The following KIF24 variants were observed in gnomAD, a reference collection of about 807,000 sequenced individuals.
KIF24 encodes kinesin family member 24.
KIF24 carries 81 observed loss-of-function variants against 118.9 expected under a neutral mutation model. That is an observed-to-expected ratio of 0.68 (90% CI 0.57 to 0.82). KIF24 has a LOEUF of 0.82. Ranked by LOEUF, KIF24 falls within the 40% of genes least tolerant of loss-of-function variation. The pLI is 0.00. For missense variants in KIF24, 1,560 were observed against 1,661.6 expected (o/e 0.94, Z 1.06); for synonymous variants, 599 against 610.0 (o/e 0.98, Z 0.27).
intron 7 of KIF24, among the ~76,000 whole-genome samples, chr9:34,270,772 C>CTT (rs909845624): frequency 3.5e-5 from 5 of 141,900 alleles, no homozygotes; most frequent in Admixed American, 1.4e-4. Flanking sequence ...TAATTTTTAC[C>CTT]TTTTTTTTTT....
chr9:34,257,610 G>A lies in KIF24; in HGVS notation c.1997C>T (p.Ala666Val). 3 of 1,614,070 alleles carry A rather than the reference G, an allele frequency of 1.9e-6. No homozygotes were observed. The highest frequency in any genetic ancestry group is 2.5e-6 in the Non-Finnish European group (3 of 1,179,904). Residue 666 changes from alanine to valine, a missense_variant, in exon 11 of 13, where the codon GCA becomes GTA. Ala to Val is a moderately conservative substitution (Grantham distance 64, BLOSUM62 0). This residue lies in a region of KIF24 where 964 missense variants were observed against 988.0 expected (regional missense o/e 0.98). Coordinates refer to ENST00000402558, the MANE Select transcript of KIF24 (RefSeq NM_194313.4). The part of the protein sequence containing the change: ...HVAKKKPEES[A>V]PLCSEKNRMG... ...TCGATTTTTCTCAGAGCACAATGGT[G>A]CTGACTCTTCTGGCTTTTTTTTGGC...
chr9:34,295,683 TATAAA>T (rs1007557025), intron 4 of KIF24, among the ~76,000 whole-genome samples: 2 of 151,414 alleles, frequency 1.3e-5, no homozygotes, highest in African/African-American at 4.8e-5. Flanking sequence ...GTCTCAAAAA[TATAAA>T]ATAAAATAAA....
At chr9:34,287,933 G>T (rs980809837) in intron 5 of KIF24, among the ~76,000 whole-genome samples, 9 of 146,762 alleles carry the variant, frequency 6.1e-5, no homozygotes, top group African/African-American at 2.2e-4. Flanking sequence ...AAAAAAGGAA[G>T]ATCTAACTTT....
chr9:34,252,470 T>C lies in KIF24; in HGVS notation c.*1910A>G, dbSNP rs985043580. On this transcript the variant is annotated 3_prime_UTR_variant, in exon 13 of 13. Transcript: ENST00000402558. ...CAGTCTTGAATCTAAAATAATTTGC[T>C]AACTAACTATTTTGATTCTTCAGAG... 1 of 14,648 alleles carries C rather than the reference T, an allele frequency of 6.8e-5. No homozygotes were observed. The highest frequency in any genetic ancestry group is 1.5e-4 in the African/African-American group (1 of 6,754). 0.9% of individuals were successfully genotyped at this position (14,648 alleles called of 1,614,324 possible). A position where few individuals can be genotyped will look rare whatever the true frequency, so the allele number is the denominator to read the frequency against.
intron 6 of KIF24, among the ~76,000 whole-genome samples, chr9:34,278,224 C>G (rs964152565): frequency 6.6e-6 from 1 of 152,078 alleles, no homozygotes; most frequent in African/African-American, 2.4e-5. Context: ...GCCTGGCCAA[C>G]CTGGTGAAAC....
In KIF24 at chr9:34,253,925, C is replaced by G. The variant is rs1834711096; in HGVS notation, c.*455G>C. Reference sequence around the variant, plus strand: ...GGTTAAGTTTGGGCCAGTGTTTAGTCTTCTAAGTTAGGCACAGAATTCAGC... The same window carrying G: ...GGTTAAGTTTGGGCCAGTGTTTAGTGTTCTAAGTTAGGCACAGAATTCAGC... On this transcript the variant is annotated 3_prime_UTR_variant, in exon 13 of 13. Coordinates refer to ENST00000402558, the MANE Select transcript of KIF24 (RefSeq NM_194313.4). 6.5e-6 allele frequency: 1 copy of G among 154,254 alleles called. No homozygotes were observed. The highest frequency in any genetic ancestry group is 1.4e-5 in the Non-Finnish European group (1 of 69,474). 9.6% of individuals were successfully genotyped at this position (154,254 alleles called of 1,614,324 possible). A position where few individuals can be genotyped will look rare whatever the true frequency, so the allele number is the denominator to read the frequency against.
intron 1 of KIF24, among the ~76,000 whole-genome samples, chr9:34,325,752 T>C (rs1837653090): frequency 6.6e-6 from 1 of 152,210 alleles, no homozygotes; most frequent in Non-Finnish European, 1.5e-5. Flanking sequence ...AATTGTTTAA[T>C]GAATAAATAT....
chr9:34,277,366 T>C (rs913226502), intron 6 of KIF24, among the ~76,000 whole-genome samples: 4 of 152,172 alleles, frequency 2.6e-5, no homozygotes, highest in African/African-American at 9.6e-5. Context: ...AGGCCAGGAA[T>C]AGAAGCCAGA....
intron 3 of KIF24, among the ~76,000 whole-genome samples, chr9:34,302,526 C>T (rs920924488): frequency 2.7e-5 from 4 of 150,538 alleles, no homozygotes; most frequent in East Asian, 4.0e-4. Flanking sequence ...AGTGCAGTGG[C>T]GCAATCTCAG....
chr9:34,269,242 T>A lies in KIF24; in HGVS notation c.1443+15A>T, dbSNP rs368898903. On this transcript the variant is annotated intron_variant, in intron 8 of 12. Coordinates refer to ENST00000402558, the MANE Select transcript of KIF24 (RefSeq NM_194313.4). ...TCAAGAAGGATTTTTAGATTAAAGA[T>A]TTTGAACAACTTACAGCCAGTAGAC... 8.3e-4 allele frequency: 1,234 copies of A among 1,493,308 alleles called. No homozygotes were observed. The highest frequency in any genetic ancestry group is 1.1e-3 in the Non-Finnish European group (1,177 of 1,076,552). 92.5% of individuals were successfully genotyped at this position (1,493,308 alleles called of 1,614,324 possible).
chr9:34,301,943 ATGTATTTCAGATT>A (rs1836723595), intron 3 of KIF24, among the ~76,000 whole-genome samples: 1 of 151,286 alleles, frequency 6.6e-6, no homozygotes, highest in African/African-American at 2.4e-5. Context: ...TAACTTTTTG[ATGTATTTCAGATT>A]TCAGTGTCAT....
chr9:34,259,487 G>A (rs1834974591), intron 10 of KIF24, 109 bp downstream of exon 10: 2 of 776,304 alleles, frequency 2.6e-6, no homozygotes, highest in Admixed American at 1.9e-5. Context: ...GGAGAGACAT[G>A]TGCATGCACT....
At chr9:34,310,210 C>T (rs1177790654) in intron 2 of KIF24, among the ~76,000 whole-genome samples, 1 of 152,096 alleles carries the variant, frequency 6.6e-6, no homozygotes, top group Non-Finnish European at 1.5e-5. Flanking sequence ...AGAAAGCACT[C>T]AAAATTAGGA....
At chr9:34,280,288 A>C (rs1835805888) in intron 6 of KIF24, among the ~76,000 whole-genome samples, 2 of 21,204 alleles carry the variant, frequency 9.4e-5, no homozygotes, top group Non-Finnish European at 2.2e-4. Context: ...CGTCTCAAAA[A>C]AAAAAAAAAA....
Position 34,255,101 on chromosome 9 carries a change from C to T in KIF24, c.3937G>A (p.Glu1313Lys). ...DEMAELGFKE[E>K]TLMSQLASND... is the part of the protein sequence containing the mutation. ...GAAGCCAGCTGGCTCATCAGCGTCT[C>T]CTCCTTGAAGCCGAGCTCAGCCATT... is the stretch of plus-strand genomic sequence containing the variant. Residue 1313 changes from glutamate (E) to lysine (K), a missense_variant, in exon 12 of 13, where the codon GAG becomes AAG. Coordinates refer to ENST00000402558, the MANE Select transcript of KIF24 (RefSeq NM_194313.4). The T allele has an allele frequency of 1.3e-6, 2 of 1,595,712 alleles. No homozygotes were observed. Among genetic ancestry groups the T allele is most frequent in the Non-Finnish European group, 1.7e-6 (2 of 1,170,952 alleles).
In KIF24 at chr9:34,295,187, G is replaced by A. The variant is rs559156945; in HGVS notation, c.911+1830C>T. On this transcript the variant is annotated intron_variant, in intron 4 of 12. Transcript: ENST00000402558. ...AGATAGCTAGGTAGGTGGATTGGAT[G>A]GATGGATAGACAGACAGACAGACAG... 9.8e-4 allele frequency among the ~76,000 whole-genome samples: 118 copies of A among 120,098 alleles called. 3 individuals are homozygous for A. The South Asian group carries it at 0.032, about 33-fold the overall frequency. The allele number at this position is 120,098 out of a possible 152,430, so 78.8% of individuals were successfully genotyped here. A position where few individuals can be genotyped will look rare whatever the true frequency, so the allele number is the denominator to read the frequency against.
At chr9:34,279,791 T>G (rs975551103) in intron 6 of KIF24, among the ~76,000 whole-genome samples, 1 of 152,250 alleles carries the variant, frequency 6.6e-6, no homozygotes, top group Non-Finnish European at 1.5e-5. Context: ...CAAGTGCTGT[T>G]GTTTCAAGTC....
chr9:34,311,787 T>TAC (rs763494172), intron 1 of KIF24, among the ~76,000 whole-genome samples: 11 of 145,334 alleles, frequency 7.6e-5, no homozygotes, highest in East Asian at 2.1e-4. Context: ...CACATATATA[T>TAC]ACACACACAT....
At position 34,256,182 on chromosome 9, in the gene KIF24, T is replaced by G. The variant is rs1047046357; in HGVS notation, c.3425A>C (p.Lys1142Thr). 1.2e-6 allele frequency: 2 copies of G among 1,602,888 alleles called. No individual in the cohort carries two copies. Among genetic ancestry groups the G allele is most frequent in the African/African-American group, 2.7e-5 (2 of 74,710 alleles). ...TAGGTCTGCCTCCCTGCTGGGCAGC[T>G]TGTCAGCTGGGTGCTGACGGATGGG... Reference protein sequence around the residue: ...PSPIRQHPADKLPSREADLGE... With the variant: ...PSPIRQHPADTLPSREADLGE... The change falls in exon 11 of 13, where the codon AAG (lysine) becomes ACG (threonine). Residue 1142 changes from lysine (K) to threonine (T), a missense_variant. This residue lies in a region of KIF24 where 591 missense variants were observed against 655.6 expected (regional missense o/e 0.90). Coordinates refer to ENST00000402558, the MANE Select transcript of KIF24 (RefSeq NM_194313.4).
Sources: gnomAD v4.1 joint callset for allele counts (sites outside exome capture counted in the v4.1 genomes callset) on GRCh38, gnomAD v4.1.1 for gene constraint, gnomAD v4.1.1 regional missense constraint, MANE v1.5 for transcripts, NCBI Gene and HGNC (gene_info 2026-07-23, HGNC 2026-07-21) for gene names.